Variants in SDK2 observed in about 807,000 individuals in gnomAD.
SDK2 encodes the protein sidekick cell adhesion molecule 2, also known as protein sidekick-2.
A neutral mutation model predicts 253.9 loss-of-function variants in SDK2; 105 were observed. The ratio of observed to expected loss-of-function variants is 0.41; its 90% CI spans 0.35 to 0.49. SDK2 has a LOEUF of 0.49. SDK2 is among the 20% of genes least tolerant of loss of function. SDK2 has a pLI of 0.06. For missense variants in SDK2, 2,608 were observed against 3,003.0 expected (o/e 0.87, Z 3.07); for synonymous variants, 1,249 against 1,234.9 (o/e 1.01, Z -0.24).
rs1374420445 is a variant in SDK2 at position 73,643,612 on chromosome 17, C to T, written c.64+413G>A. Among the ~76,000 whole-genome samples the T allele has an allele frequency of 3.3e-5, 5 of 152,134 alleles. No individual in the cohort carries two copies. The highest frequency in any genetic ancestry group is 1.3e-4 in the Admixed American group (2 of 15,288). On this transcript the variant is annotated intron_variant, in intron 1 of 44. Transcript: ENST00000392650. The surrounding 1 kb of genome is among the most constrained non-coding windows in gnomAD (Gnocchi z 6.9). ...CATCGCCTGCCCGGCAGGGGCCCTG[C>T]CCTTCCCCGCAGACACCGAGCAGGG...
At chr17:73,437,153 C>T (rs2063376287) in intron 8 of SDK2, among the ~76,000 whole-genome samples, 1 of 152,158 alleles carries the variant, frequency 6.6e-6, no homozygotes, top group South Asian at 2.1e-4. Context: ...CATTTTGCCC[C>T]TTTGCTCAGC....
At chr17:73,393,104 G>A (rs1054079633) in intron 27 of SDK2, among the ~76,000 whole-genome samples, 1 of 151,904 alleles carries the variant, frequency 6.6e-6, no homozygotes, top group African/African-American at 2.4e-5. Context: ...AATCAGCTGG[G>A]TGTGGTGGCC....
At chr17:73,600,063 C>G (rs974224842) in intron 1 of SDK2, among the ~76,000 whole-genome samples, 1 of 152,242 alleles carries the variant, frequency 6.6e-6, no homozygotes, top group South Asian at 2.1e-4. Flanking sequence ...AAATAAACAA[C>G]CACAAGCACA....
chr17:73,496,287 C>T lies in SDK2; in HGVS notation c.224+11151G>A, dbSNP rs2063841037. 6.6e-6 allele frequency among the ~76,000 whole-genome samples: 1 copy of T among 152,194 alleles called. No homozygotes were observed. Among genetic ancestry groups the T allele is most frequent in the Non-Finnish European group, 1.5e-5 (1 of 68,042 alleles). On this transcript the variant is annotated intron_variant, in intron 2 of 44. Coordinates refer to ENST00000392650, the MANE Select transcript of SDK2 (RefSeq NM_001144952.2). This position sits in a 1 kb window ranked among gnomAD's most constrained non-coding sequence, Gnocchi z 4.7. ...GGTCTTATTATTCCCATTTCCCAGA[C>T]TAGGCAACCGAGGCAGGGATTAGGC... is the stretch of plus-strand genomic sequence containing the variant.
chr17:73,415,748 C>T, intron 17 of SDK2, 63 bp downstream of exon 17: 1 of 1,434,678 alleles, frequency 7.0e-7, no homozygotes, highest in Admixed American at 2.1e-5. Flanking sequence ...CTTGGCGTCC[C>T]AAAGTGCTAG....
chr17:73,547,684 G>A (rs145194363), intron 1 of SDK2, among the ~76,000 whole-genome samples: 1 of 152,316 alleles, frequency 6.6e-6, no homozygotes, highest in African/African-American at 2.4e-5. Context: ...AAGGGAGGGA[G>A]GGCAAAGGAA....
intron 39 of SDK2, 100 bp from the exon 40 acceptor site, chr17:73,358,304 C>T: frequency 4.8e-6 from 7 of 1,446,746 alleles, no homozygotes; most frequent in Non-Finnish European, 5.5e-6. Flanking sequence ...ACAAAACCAA[C>T]CCTGGACAGA....
In SDK2 at chr17:73,391,817, G is replaced by A. The variant is rs148673676; in HGVS notation, c.3899-279C>T. ...TTGTCTGTATACACGCCCCAGAACCGGGCTGCCCTCAGAGCTGGGCGCGTG... is the reference window on the plus strand; with the variant it reads ...TTGTCTGTATACACGCCCCAGAACCAGGCTGCCCTCAGAGCTGGGCGCGTG... On this transcript the variant is annotated intron_variant, in intron 27 of 44. Transcript: ENST00000392650. Among the ~76,000 whole-genome samples, 459 of 152,356 alleles carry A rather than the reference G, an allele frequency of 3.0e-3. 2 individuals are homozygous for A. Among genetic ancestry groups the A allele is most frequent in the African/African-American group, 0.01 (436 of 41,576 alleles).
chr17:73,540,626 G>A lies in SDK2; in HGVS notation c.65-33029C>T, dbSNP rs138186213. Among the ~76,000 whole-genome samples, 40 of 152,220 alleles carry A rather than the reference G, an allele frequency of 2.6e-4. No homozygotes were observed. In the East Asian group the frequency reaches 3.3e-3, roughly 12 times the overall value. On this transcript the variant is annotated intron_variant, in intron 1 of 44. Coordinates refer to ENST00000392650, the MANE Select transcript of SDK2 (RefSeq NM_001144952.2). ...TGCTCCCACTTAAGCAAAACACTTC[G>A]TGCGTGACCCTGGTGCTATGTCACT... is the stretch of plus-strand genomic sequence containing the variant.
rs141766760 is a variant in SDK2, at chr17:73,347,936, T to C, written c.6165+663A>G. On this transcript the variant is annotated intron_variant, in intron 44 of 44. Coordinates refer to ENST00000392650, the MANE Select transcript of SDK2 (RefSeq NM_001144952.2). ...CCTGGCTCTACACTGAGTTCACCAG[T>C]GTCTAACTCAGCAGATCCTCCCCAC... is the stretch of plus-strand genomic sequence containing the variant. Among the ~76,000 whole-genome samples, 84 of 152,264 alleles carry C rather than the reference T, an allele frequency of 5.5e-4. 1 individual carries two copies. The highest frequency in any genetic ancestry group is 3.6e-3 in the Admixed American group (55 of 15,294).
chr17:73,457,242 CCTTCCT>C (rs2063532390), intron 3 of SDK2, among the ~76,000 whole-genome samples: 1 of 56,004 alleles, frequency 1.8e-5, no homozygotes, highest in Non-Finnish European at 3.3e-5. Flanking sequence ...TTCCTTCCTT[CCTTCCT>C]TCCTTCCTTC....
At chr17:73,621,496 T>C (rs994615302) in intron 1 of SDK2, among the ~76,000 whole-genome samples, 2 of 152,168 alleles carry the variant, frequency 1.3e-5, no homozygotes, top group Non-Finnish European at 2.9e-5. Flanking sequence ...CGGACACGAA[T>C]TTTAAAGCTG....
intron 3 of SDK2, among the ~76,000 whole-genome samples, chr17:73,460,153 T>C (rs1000263288): frequency 6.6e-6 from 1 of 152,188 alleles, no homozygotes; most frequent in Non-Finnish European, 1.5e-5. Flanking sequence ...ACGATACAGC[T>C]GCCACCTGAC....
In SDK2 at chr17:73,400,988, CAA is replaced by C. The variant is rs759308684; in HGVS notation, c.2971+30_2971+31del. On this transcript the variant is annotated intron_variant, in intron 21 of 44. Coordinates refer to ENST00000392650, the MANE Select transcript of SDK2 (RefSeq NM_001144952.2). ...GAATGGGACGCTGCTCAGGAGAACT[CAA>C]AGAGTCCTGCCTTGAGAGTGGGCAC... 2.9e-5 allele frequency: 44 copies of C among 1,542,468 alleles called. No homozygotes were observed. In the African/African-American group the frequency reaches 2.9e-4, roughly 10 times the overall value.
rs2063403896 is a variant in SDK2, at chr17:73,440,189, C to T, written c.725+623G>A. 2.0e-5 allele frequency among the ~76,000 whole-genome samples: 3 copies of T among 150,926 alleles called. No homozygotes were observed. In the South Asian group the frequency reaches 6.3e-4, roughly 31 times the overall value. On this transcript the variant is annotated intron_variant, in intron 6 of 44. Transcript: ENST00000392650. ...ATGGTGCAATCTCAGCTCACTGTAA[C>T]CTCCGCCTCCTGGGTTCAAACGATT...
rs2062850333 is a variant in SDK2 at position 73,383,755 on chromosome 17, T to C, written c.4705+121A>G. 1.7e-6 allele frequency: 2 copies of C among 1,186,836 alleles called. No homozygotes were observed. Among genetic ancestry groups the C allele is most frequent in the Non-Finnish European group, 2.4e-6 (2 of 826,110 alleles). 73.5% of individuals were successfully genotyped at this position (1,186,836 alleles called of 1,614,324 possible). A position where few individuals can be genotyped will look rare whatever the true frequency, so the allele number is the denominator to read the frequency against. On this transcript the variant is annotated intron_variant, in intron 33 of 44. Transcript: ENST00000392650. This position sits in a 1 kb window ranked among gnomAD's most constrained non-coding sequence, Gnocchi z 4.3. Reference sequence around the variant, plus strand: ...GGATGGGAGGAGGGAGAGGCACACATGGAGGAGGGAGGCAAGGTTTCAGGT... The same window carrying C: ...GGATGGGAGGAGGGAGAGGCACACACGGAGGAGGGAGGCAAGGTTTCAGGT...
At chr17:73,563,946 A>G (rs1228566947) in intron 1 of SDK2, among the ~76,000 whole-genome samples, 3 of 151,984 alleles carry the variant, frequency 2.0e-5, no homozygotes, top group Non-Finnish European at 4.4e-5. Context: ...TTTTTTGTAG[A>G]GACACGGCTT....
Position 73,379,545 on chromosome 17 carries a change from C to T in SDK2, c.4767G>A (p.Leu1589=). 1 of 1,609,148 alleles carries T rather than the reference C, an allele frequency of 6.2e-7. No homozygotes were observed. Among genetic ancestry groups the T allele is most frequent in the South Asian group, 1.1e-5 (1 of 90,444 alleles). The change falls in exon 35 of 45, where the codon CTG becomes CTA. Residue 1589 remains leucine, a synonymous_variant. Transcript: ENST00000392650. The surrounding 1 kb of genome is among the most constrained non-coding windows in gnomAD (Gnocchi z 4.5). ...PSLTQYELDN[L]NKHRRYEIRM... ...GTATCTCGTACCGCCTGTGCTTGTT[C>T]AGGTCTGTGGGGGAGAGTGGGGGAG...
At chr17:73,396,591 G>A (rs753343360) in intron 24 of SDK2, among the ~76,000 whole-genome samples, 9 of 152,198 alleles carry the variant, frequency 5.9e-5, no homozygotes, top group Non-Finnish European at 8.8e-5. Context: ...CCTGAGAGCC[G>A]GAGATGGGGC....
Sources: gnomAD v4.1 joint callset for allele counts (sites outside exome capture counted in the v4.1 genomes callset) on GRCh38, gnomAD v4.1.1 for gene constraint, Gnocchi (gnomAD v3.1) non-coding constraint, MANE v1.5 for transcripts, NCBI Gene and HGNC (gene_info 2026-07-23, HGNC 2026-07-21) for gene names.